The following CACNA1F variants were observed in gnomAD, a reference collection of about 807,000 sequenced individuals.
CACNA1F encodes calcium voltage-gated channel subunit alpha1 F.
A neutral mutation model predicts 143.8 loss-of-function variants in CACNA1F; 59 were observed. That is an observed-to-expected ratio of 0.41 (90% CI 0.33 to 0.51). The LOEUF is 0.51. Among genes scored for constraint, CACNA1F ranks in the 20% least tolerant of loss-of-function variants. The pLI, the probability that CACNA1F is intolerant of heterozygous loss-of-function variation, is 0.22. For synonymous variants in CACNA1F, 643 were observed against 649.1 expected, an observed-to-expected ratio of 0.99 and a Z score of 0.14; for missense variants, 1,411 against 1,647.5, an observed-to-expected ratio of 0.86 and a Z score of 2.48.
intron 23 of CACNA1F, 21 bp from the exon 24 acceptor site, chrX:49,218,563 A>G (rs782620751): frequency 8.4e-7 from 1 of 1,186,132 alleles, no homozygotes; most frequent in East Asian, 3.0e-5. Context: ...GGCAATCCTC[A>G]GGCATTGGCC....
rs1557109488 is a variant in CACNA1F, at chrX:49,224,836, T to G, written c.1802A>C (p.Glu601Ala). Reference protein sequence around the residue: ...CGGILETTLVEVGAMQPLGIS... With the variant: ...CGGILETTLVAVGAMQPLGIS... ...GCCCAAGGGCTGCATGGCACCCACC[T>G]CCACCAAGGTGGTCTCTAGGATGCC... Residue 601 changes from glutamate (E) to alanine (A), a missense_variant, in exon 14 of 48, where the codon GAG becomes GCG. Glu to Ala is a moderately radical substitution (Grantham distance 107). Coordinates refer to ENST00000323022, the MANE Select transcript of CACNA1F (RefSeq NM_001256789.3). 8.3e-7 allele frequency: 1 copy of G among 1,200,519 alleles called. No individual in the cohort carries two copies. Among genetic ancestry groups the G allele is most frequent in the Admixed American group, 2.2e-5 (1 of 45,001 alleles).
At chrX:49,220,411 C>T in intron 19 of CACNA1F, 62 bp downstream of exon 19, 2 of 870,866 alleles carry the variant, frequency 2.3e-6, no homozygotes, top group Non-Finnish European at 3.3e-6. Context: ...GGGTCAGGAG[C>T]TGTCTGCCTG....
chrX:49,218,705 C>T lies in CACNA1F; in HGVS notation c.2764G>A (p.Gly922Ser), dbSNP rs149685267. 166 of 1,115,324 alleles carry T rather than the reference C, an allele frequency of 1.5e-4. No homozygotes were observed. The African/African-American group carries it at 2.9e-3, about 20-fold the overall frequency. The allele number at this position is 1,115,324 out of a possible 1,213,427, so 91.9% of individuals were successfully genotyped here. Residue 922 changes from glycine (G) to serine (S), a missense_variant, in exon 23 of 48, where the codon GGC becomes AGC. By Grantham distance (56) the Gly-to-Ser change is moderately conservative. Coordinates refer to ENST00000323022, the MANE Select transcript of CACNA1F (RefSeq NM_001256789.3). ...MTVFGAFLHR[G>S]SFCRSWFNML... ...TTAAACCAGCTACGGCAGAAGGAGC[C>T]GCGGTGCAGGAAGGCCCCAAACACT...
chrX:49,208,465 G>A (rs782685385), intron 43 of CACNA1F, 50 bp downstream of exon 43: 9 of 997,525 alleles, frequency 9.0e-6, no homozygotes, highest in Admixed American at 2.8e-5. Flanking sequence ...TCTATCCAGT[G>A]TCTAGTCCTT....
At chrX:49,208,707 G>GT in intron 42 of CACNA1F, 23 bp from the exon 43 acceptor site, 1 of 1,199,427 alleles carries the variant, frequency 8.3e-7, no homozygotes, top group Non-Finnish European at 1.1e-6. Flanking sequence ...ACAGGACTGA[G>GT]TGTTGCATGC....
intron 43 of CACNA1F, 106 bp downstream of exon 43, chrX:49,208,409 A>G: frequency 6.5e-6 from 3 of 461,598 alleles, no homozygotes; most frequent in East Asian, 8.8e-5. Context: ...GAAGGCCTCT[A>G]GGCCCTCCCT....
At position 49,230,619 on chromosome X, in the gene CACNA1F, G is replaced by A; in HGVS notation, c.522-10C>T. The A allele has an allele frequency of 1.7e-6, 2 of 1,161,652 alleles. No homozygotes were observed. Among genetic ancestry groups the A allele is most frequent in the East Asian group, 3.2e-5 (1 of 31,094 alleles). ...CAGAACGCTGAACAGCCTGATGGGG[G>A]AGCACCGGGCAGGGAGGCGGAGGTC... is the stretch of plus-strand genomic sequence containing the variant. On this transcript the variant is annotated splice_polypyrimidine_tract_variant and intron_variant, in intron 4 of 47. Transcript: ENST00000323022.
rs151203138 is a variant in CACNA1F at position 49,212,257 on chromosome X, C to T, written c.3994G>A (p.Val1332Ile). 12 of 1,206,804 alleles carry T rather than the reference C, an allele frequency of 9.9e-6. No homozygotes were observed. The highest frequency in any genetic ancestry group is 8.8e-5 in the South Asian group (5 of 56,630). Residue 1332 changes from valine (V) to isoleucine (I), a missense_variant, in exon 34 of 48, where the codon GTC becomes ATC. Coordinates refer to ENST00000323022, the MANE Select transcript of CACNA1F (RefSeq NM_001256789.3). ...TCCCCACTTGCCTGCATGCCAATGA[C>T]GGCATAGATGAAGAATATCATTGCG... ...LIAMIFFIYA[V>I]IGMQMFGKVA...
chrX:49,210,466 C>T (rs1336711659), intron 38 of CACNA1F, 63 bp from the exon 39 acceptor site: 1 of 1,038,945 alleles, frequency 9.6e-7, no homozygotes, highest in Non-Finnish European at 1.4e-6. Context: ...GAACGAATGT[C>T]AAGGGGCAGA....
In CACNA1F at chrX:49,212,575, T is replaced by G. The variant is rs1025873998; in HGVS notation, c.3942+92A>C. 4.5e-5 allele frequency: 43 copies of G among 959,841 alleles called. 2 individuals are homozygous for G. In the Admixed American group the frequency reaches 8.5e-4, roughly 19 times the overall value. The allele number at this position is 959,841 out of a possible 1,213,427, so 79.1% of individuals were successfully genotyped here. ...TAATTTGGAAATGGGTATGGCATGTTGGGAGATGTAGTTCTGAGGGTGGTA... is the reference window on the plus strand; with the variant it reads ...TAATTTGGAAATGGGTATGGCATGTGGGGAGATGTAGTTCTGAGGGTGGTA... On this transcript the variant is annotated intron_variant, in intron 33 of 47. Transcript: ENST00000323022.
intron 35 of CACNA1F, 41 bp from the exon 36 acceptor site, chrX:49,211,522 C>T (rs370487464): frequency 5.2e-5 from 59 of 1,140,038 alleles, no homozygotes; most frequent in Non-Finnish European, 7.1e-5. Context: ...GAAGGGGAGG[C>T]TATGAAGTCA....
chrX:49,217,293 T>C (rs1909077746), intron 26 of CACNA1F, among the ~76,000 whole-genome samples: 1 of 113,087 alleles, frequency 8.8e-6, no homozygotes, highest in African/African-American at 3.2e-5. Flanking sequence ...CTTTACATTG[T>C]ACAAAGTACA....
At chrX:49,220,950 AC>A in intron 18 of CACNA1F, 84 bp downstream of exon 18, 1 of 840,649 alleles carries the variant, frequency 1.2e-6, no homozygotes, top group Non-Finnish European at 1.8e-6. Context: ...AAATAAAACA[AC>A]AACAACAAAA....
chrX:49,222,357 A>G, intron 17 of CACNA1F, 165 bp downstream of exon 17: 1 of 482,529 alleles, frequency 2.1e-6, no homozygotes, highest in African/African-American at 2.3e-5. Flanking sequence ...GGCACACAGT[A>G]GGCAGTCAAT....
At chrX:49,227,323 C>CA (rs1306322797) in intron 8 of CACNA1F, among the ~76,000 whole-genome samples, 196 bp from the exon 9 acceptor site, 8 of 110,318 alleles carry the variant, frequency 7.3e-5, no homozygotes, top group Non-Finnish European at 1.5e-4. Flanking sequence ...CACCTCATCT[C>CA]TTTTTTTTTC....
Position 49,226,258 on chromosome X carries a change from G to T in CACNA1F, c.1464-15C>A, listed in dbSNP as rs374767329. On this transcript the variant is annotated splice_polypyrimidine_tract_variant and intron_variant, in intron 11 of 47. Coordinates refer to ENST00000323022, the MANE Select transcript of CACNA1F (RefSeq NM_001256789.3). ...TGATCTTGTTTCTGAAAAAGAAGGG[G>T]GATGGGAGGTGTGTGTCGTAAAGGG... 4 of 1,200,026 alleles carry T rather than the reference G, an allele frequency of 3.3e-6. No homozygotes were observed. The African/African-American group carries it at 7.0e-5, about 21-fold the overall frequency.
Position 49,223,892 on chromosome X carries a change from C to T in CACNA1F, c.1878-756G>A, listed in dbSNP as rs781984461. Among the ~76,000 whole-genome samples, 578 of 109,028 alleles carry T rather than the reference C, an allele frequency of 5.3e-3. 1 individual carries two copies. Among genetic ancestry groups the T allele is most frequent in the Non-Finnish European group, 7.5e-3 (392 of 52,462 alleles). 94.7% of individuals were successfully genotyped at this position (109,028 alleles called of 115,157 possible). On this transcript the variant is annotated intron_variant, in intron 14 of 47. Coordinates refer to ENST00000323022, the MANE Select transcript of CACNA1F (RefSeq NM_001256789.3). Reference sequence around the variant, plus strand: ...GACTACAGTCACTTGCCACCACTCCCGGCTAATTTTTTTGTATTTTTAGTA... The same window carrying T: ...GACTACAGTCACTTGCCACCACTCCTGGCTAATTTTTTTGTATTTTTAGTA...
Position 49,231,733 on chromosome X carries a change from A to G in CACNA1F, c.220T>C (p.Cys74Arg). The G allele has an allele frequency of 8.3e-7, 1 of 1,211,920 alleles. No homozygotes were observed. The highest frequency in any genetic ancestry group is 1.1e-6 in the Non-Finnish European group (1 of 895,399). Residue 74 changes from cysteine (C) to arginine (R), a missense_variant, in exon 2 of 48, where the codon TGC becomes CGC. Cys to Arg is a radical substitution (Grantham distance 180, BLOSUM62 -3). This residue lies in a region of CACNA1F where 950 missense variants were observed against 1,128.1 expected (regional missense o/e 0.84). Transcript: ENST00000323022. ...SAQRSPRALF[C>R]LTLANPLRRS... The stretch of plus-strand genomic sequence containing the variant: ...CGCAGAGGATTGGCCAGGGTGAGGC[A>G]GAAGAGTGCCCGAGGTGACCGCTGG...
In CACNA1F at chrX:49,208,650, C is replaced by T. The variant is rs1013735849; in HGVS notation, c.4988G>A (p.Gly1663Asp). The change falls in exon 43 of 48, where the codon GGC (glycine) becomes GAC (aspartate). Residue 1663 changes from glycine (G) to aspartate (D), a missense_variant. Physicochemically the swap from Gly to Asp is moderately conservative, Grantham distance 94 (BLOSUM62 -1). Around this residue, in one of 3 missense-constraint regions of CACNA1F, gnomAD observed 349 missense variants for 350.2 expected, o/e 1.00. Transcript: ENST00000323022. ...TMVSQPSARR[G>D]SGISVSLPVG... is the part of the protein sequence containing the mutation. ...AGGCAGAGACACAGAAATCCCGGAG[C>T]CCCGGCGAGCTGAGGGCTGGGAGAC... The T allele has an allele frequency of 1.1e-5, 13 of 1,208,769 alleles. No homozygotes were observed. The highest frequency in any genetic ancestry group is 1.5e-5 in the Non-Finnish European group (13 of 894,845).
Sources: gnomAD v4.1 joint callset for allele counts (sites outside exome capture counted in the v4.1 genomes callset) on GRCh38, gnomAD v4.1.1 for gene constraint, gnomAD v4.1.1 regional missense constraint, MANE v1.5 for transcripts, NCBI Gene and HGNC (gene_info 2026-07-23, HGNC 2026-07-21) for gene names.